SUSD1: variants seen among roughly 807,000 people sequenced by gnomAD.
The protein encoded by SUSD1 is sushi domain containing 1.
In SUSD1, 65 loss-of-function variants were observed where a neutral mutation model predicts 86.9. The ratio of observed to expected loss-of-function variants is 0.75; its 90% CI spans 0.61 to 0.92. The LOEUF (loss-of-function observed/expected upper bound fraction) is 0.92. SUSD1 is among the 40% of genes least tolerant of loss of function. The probability of loss-of-function intolerance (pLI) is 0.00; values close to 1 mark genes in which losing one functional copy is unlikely to be tolerated. For missense variants in SUSD1, 850 were observed against 929.7 expected (o/e 0.91, Z 1.11); for synonymous variants, 346 against 350.0 (o/e 0.99, Z 0.13).
Position 112,175,018 on chromosome 9 carries a change from C to A in SUSD1, c.103+115G>T. 1 of 822,914 alleles carries A rather than the reference C, an allele frequency of 1.2e-6. No individual in the cohort carries two copies. Among genetic ancestry groups the A allele is most frequent in the Non-Finnish European group, 1.5e-6 (1 of 680,548 alleles). The allele number at this position is 822,914 out of a possible 1,614,324, so 51.0% of individuals were successfully genotyped here. On this transcript the variant is annotated intron_variant, in intron 1 of 16. Coordinates refer to ENST00000374270, the MANE Select transcript of SUSD1 (RefSeq NM_022486.5). The surrounding 1 kb of genome is among the most constrained non-coding windows in gnomAD (Gnocchi z 4.7). ...GCGCGGGCCCCACCTGCGCCCCACG[C>A]CTCGGCACCGCGCCGGCCCGGCCCA...
intron 10 of SUSD1, among the ~76,000 whole-genome samples, chr9:112,088,719 G>A (rs1227571316): frequency 3.3e-4 from 50 of 152,196 alleles, no homozygotes; most frequent in Non-Finnish European, 8.8e-5. Context: ...TTGAGCCCAG[G>A]AGTTCAAGGC....
At chr9:112,112,979 T>C (rs1831168948) in intron 6 of SUSD1, 111 bp from the exon 7 acceptor site, 2 of 677,640 alleles carry the variant, frequency 3.0e-6, no homozygotes, top group South Asian at 1.7e-5. Context: ...TCACCATTCA[T>C]CCTCAGAGGC....
At chr9:112,163,474 A>T (rs1833654685) in intron 1 of SUSD1, among the ~76,000 whole-genome samples, 1 of 152,038 alleles carries the variant, frequency 6.6e-6, no homozygotes, top group South Asian at 2.1e-4. Context: ...CTACCAAAAA[A>T]AAAAAAAAAT....
At chr9:112,067,173 A>G (rs904580943) in intron 12 of SUSD1, among the ~76,000 whole-genome samples, 3 of 152,138 alleles carry the variant, frequency 2.0e-5, no homozygotes, top group African/African-American at 7.2e-5. Flanking sequence ...CCACCACACC[A>G]GGCCTAGAAG....
chr9:112,072,056 A>G (rs75885196), intron 12 of SUSD1, among the ~76,000 whole-genome samples: 3,210 of 151,584 alleles, frequency 0.021, 129 homozygotes, highest in African/African-American at 0.072. Context: ...TACATAACCA[A>G]TCGAAAAATA....
intron 14 of SUSD1, among the ~76,000 whole-genome samples, chr9:112,055,608 A>C (rs1006879872): frequency 6.6e-6 from 1 of 152,230 alleles, no homozygotes; most frequent in Non-Finnish European, 1.5e-5. Flanking sequence ...TAGTTCCTCA[A>C]AAAATTAAAC....
At position 112,142,477 on chromosome 9, in the gene SUSD1, A is replaced by G. The variant is rs775875090; in HGVS notation, c.549T>C (p.Pro183=). 17 of 1,612,970 alleles carry G rather than the reference A, an allele frequency of 1.1e-5. No homozygotes were observed. The African/African-American group carries it at 2.0e-4, about 19-fold the overall frequency. Reference sequence around the variant, plus strand: ...CTATGATATAGCCATCTGGAACCTCAGGAGGGGTACCACAGTCTATTTCTG... The same window carrying G: ...CTATGATATAGCCATCTGGAACCTCGGGAGGGGTACCACAGTCTATTTCTG... The part of the protein sequence containing the change: ...SCTEIDCGTP[P]EVPDGYIIGN... Residue 183 remains proline, a synonymous_variant, in exon 5 of 17, where the codon CCT becomes CCC. Coordinates refer to ENST00000374270, the MANE Select transcript of SUSD1 (RefSeq NM_022486.5).
At chr9:112,125,321 G>C (rs983494210) in intron 5 of SUSD1, among the ~76,000 whole-genome samples, 6 of 152,010 alleles carry the variant, frequency 3.9e-5, no homozygotes, top group African/African-American at 1.4e-4. Flanking sequence ...AGAACTAAAA[G>C]TTGAACAATG....
In SUSD1 at chr9:112,143,517, A is replaced by C; in HGVS notation, c.480T>G (p.Asn160Lys). Residue 160 changes from asparagine (N) to lysine (K), a missense_variant, in exon 4 of 17, where the codon AAT becomes AAG. Asn to Lys is a moderately conservative substitution (Grantham distance 94, BLOSUM62 0). Transcript: ENST00000374270. Reference protein sequence around the residue: ...CYCMDGYLPRNGPEPFHPTTD... With the variant: ...CYCMDGYLPRKGPEPFHPTTD... ...TGGTCGGGTGGAAAGGTTCAGGTCC[A>C]TTCCTTGGCAAGTATCCATCCATAC... 1 of 1,614,156 alleles carries C rather than the reference A, an allele frequency of 6.2e-7. No homozygotes were observed. Among genetic ancestry groups the C allele is most frequent in the Non-Finnish European group, 8.5e-7 (1 of 1,180,024 alleles).
intron 1 of SUSD1, among the ~76,000 whole-genome samples, chr9:112,165,832 G>GAGAA (rs1332151451): frequency 3.0e-5 from 4 of 133,658 alleles, no homozygotes; most frequent in Non-Finnish European, 6.4e-5. Flanking sequence ...AAGAAAGAAA[G>GAGAA]AGAAAGAAAG....
intron 11 of SUSD1, 48 bp downstream of exon 11, chr9:112,080,025 TC>T: frequency 7.3e-7 from 1 of 1,369,414 alleles, no homozygotes. Context: ...TTTTTAAGCC[TC>T]CCACATAAGA....
intron 12 of SUSD1, among the ~76,000 whole-genome samples, chr9:112,071,505 G>T (rs1286695928): frequency 6.6e-6 from 1 of 151,938 alleles, no homozygotes; most frequent in East Asian, 1.9e-4. Context: ...CCTTGGAGTA[G>T]GAATTTGTAA....
intron 1 of SUSD1, among the ~76,000 whole-genome samples, chr9:112,158,983 C>G (rs1833453802): frequency 7.0e-6 from 1 of 142,316 alleles, no homozygotes; most frequent in South Asian, 2.3e-4. Context: ...AACACAGCTG[C>G]CTATTACCCT....
At chr9:112,079,790 A>G (rs1031430477) in intron 11 of SUSD1, among the ~76,000 whole-genome samples, 1 of 152,188 alleles carries the variant, frequency 6.6e-6, no homozygotes, top group African/African-American at 2.4e-5. Context: ...TTTAGCAGAG[A>G]CAGAGTTTCA....
chr9:112,112,494 A>G (rs1991566), intron 7 of SUSD1, among the ~76,000 whole-genome samples: 50,506 of 151,796 alleles, frequency 0.33, 8,878 homozygotes, highest in African/African-American at 0.43. Flanking sequence ...AAATTAGCCA[A>G]GCATGGTAGT....
chr9:112,166,871 A>G (rs1833848673), intron 1 of SUSD1, among the ~76,000 whole-genome samples: 1 of 152,200 alleles, frequency 6.6e-6, no homozygotes, highest in Admixed American at 6.5e-5. Flanking sequence ...GGAAAGTTGA[A>G]GAACCCAAAA....
intron 14 of SUSD1, among the ~76,000 whole-genome samples, chr9:112,055,422 AT>A (rs1285622327): frequency 6.6e-6 from 1 of 152,102 alleles, no homozygotes; most frequent in African/African-American, 2.4e-5. Flanking sequence ...GTGAGACCCC[AT>A]CCCCCACTTC....
In SUSD1 at chr9:112,111,740, A is replaced by G; in HGVS notation, c.1085T>C (p.Leu362Pro). Residue 362 changes from leucine to proline, a missense_variant, in exon 8 of 17, where the codon CTG becomes CCG. Transcript: ENST00000374270. ...DSRTPEVCLA[L>P]YPGTNYTVNI... is the part of the protein sequence containing the mutation. Reference sequence around the variant, plus strand: ...CACGGTGTAGTTGGTGCCTGGGTACAGGGCTAGGCACACTTCTGGGGTCCT... The same window carrying G: ...CACGGTGTAGTTGGTGCCTGGGTACGGGGCTAGGCACACTTCTGGGGTCCT... The G allele has an allele frequency of 1.2e-6, 2 of 1,614,158 alleles. No homozygotes were observed. Among genetic ancestry groups the G allele is most frequent in the Non-Finnish European group, 1.7e-6 (2 of 1,180,028 alleles).
intron 10 of SUSD1, among the ~76,000 whole-genome samples, chr9:112,082,423 T>G (rs116432926): frequency 6.2e-4 from 94 of 152,302 alleles, no homozygotes; most frequent in African/African-American, 2.2e-3. Context: ...GAGCTCAATG[T>G]GATTACAAAC....
Sources: allele counts gnomAD v4.1 joint callset (sites outside exome capture counted in the v4.1 genomes callset), GRCh38; gene constraint gnomAD v4.1.1; non-coding constraint Gnocchi (gnomAD v3.1); transcripts MANE v1.5; gene names NCBI Gene and HGNC (gene_info 2026-07-23, HGNC 2026-07-21).